CAMTA1: variants seen among roughly 807,000 people sequenced by gnomAD.
The protein encoded by CAMTA1 is calmodulin binding transcription activator 1.
A neutral mutation model predicts 170.9 loss-of-function variants in CAMTA1; 27 were observed. The ratio of observed to expected loss-of-function variants is 0.16; its 90% confidence interval spans 0.12 to 0.22. The LOEUF (loss-of-function observed/expected upper bound fraction) is 0.22. CAMTA1 is among the 10% of genes least tolerant of loss of function. The pLI is 1.00. For missense variants in CAMTA1, 1,619 were observed against 2,217.2 expected (o/e 0.73, Z 5.42); for synonymous variants, 833 against 891.5 (o/e 0.93, Z 1.17).
intron 1 of CAMTA1, among the ~76,000 whole-genome samples, chr1:6,791,099 C>T (rs560082740): frequency 7.0e-6 from 1 of 142,288 alleles, no homozygotes; most frequent in Non-Finnish European, 1.5e-5. Flanking sequence ...CTTCTAGAAT[C>T]ATGTACCCTG....
Position 7,570,871 on chromosome 1 carries a change from A to G in CAMTA1, c.511-69529A>G, listed in dbSNP as rs1369717855. Among the ~76,000 whole-genome samples, 1 of 152,176 alleles carries G rather than the reference A, an allele frequency of 6.6e-6. No homozygotes were observed. Among genetic ancestry groups the G allele is most frequent in the African/African-American group, 2.4e-5 (1 of 41,452 alleles). ...TCAGAATCCAAGCCTGGCCTCCCCC[A>G]TGAACCAGCTGGGTGATGTCAGGAG... On this transcript the variant is annotated intron_variant, in intron 6 of 22. Transcript: ENST00000303635. The surrounding 1 kb of genome is among the most constrained non-coding windows in gnomAD (Gnocchi z 4.3).
intron 5 of CAMTA1, among the ~76,000 whole-genome samples, chr1:7,396,406 C>T (rs542066083): frequency 1.3e-5 from 2 of 152,320 alleles, no homozygotes; most frequent in Admixed American, 6.5e-5. Context: ...TACCTAGCCT[C>T]AGGTATTCCT....
chr1:7,742,871 C>G (rs1380822187), intron 16 of CAMTA1, among the ~76,000 whole-genome samples: 1 of 152,192 alleles, frequency 6.6e-6, no homozygotes, highest in Non-Finnish European at 1.5e-5. Flanking sequence ...CTATGTCACC[C>G]AGGCTGGAGT....
chr1:7,686,795 G>A (rs931868344), intron 11 of CAMTA1, among the ~76,000 whole-genome samples: 1 of 152,132 alleles, frequency 6.6e-6, no homozygotes, highest in African/African-American at 2.4e-5. Flanking sequence ...GGACAGGGTG[G>A]GTTTGGGGTT....
rs754975037 is a variant in CAMTA1 at position 7,752,454 on chromosome 1, T to C, written c.4884-5T>C. The C allele has an allele frequency of 1.4e-5, 22 of 1,613,750 alleles. No homozygotes were observed. In the South Asian group the frequency reaches 2.4e-4, roughly 18 times the overall value. On this transcript the variant is annotated splice_region_variant and splice_polypyrimidine_tract_variant and intron_variant, in intron 20 of 22. Transcript: ENST00000303635. ...CTTGTGACAATAATATTCTGACTTT[T>C]TCAGGAGCAGTTTGCTAACCAAAAA...
At chr1:7,155,984 G>A (rs1646856294) in intron 4 of CAMTA1, among the ~76,000 whole-genome samples, 1 of 152,126 alleles carries the variant, frequency 6.6e-6, no homozygotes, top group South Asian at 2.1e-4. Flanking sequence ...CAGGCGCGGT[G>A]GCTCACAGCT....
rs745561961 is a variant in CAMTA1, at chr1:7,029,363, G to C, written c.235-61941G>C. On this transcript the variant is annotated intron_variant, in intron 3 of 22. Coordinates refer to ENST00000303635, the MANE Select transcript of CAMTA1 (RefSeq NM_015215.4). ...AAATATACAAAAAAATTAGCTGGGC[G>C]TGGTGGCGGGTGCCTGTAGTCCCAG... is the stretch of plus-strand genomic sequence containing the variant. 2.0e-5 allele frequency among the ~76,000 whole-genome samples: 3 copies of C among 151,852 alleles called. No homozygotes were observed. In the South Asian group the frequency reaches 6.2e-4, roughly 32 times the overall value.
intron 3 of CAMTA1, among the ~76,000 whole-genome samples, chr1:6,895,187 T>C (rs1190195721): frequency 1.3e-5 from 2 of 152,158 alleles, no homozygotes; most frequent in Non-Finnish European, 2.9e-5. Flanking sequence ...AGGGTTGAAG[T>C]TCAAAGTTGG....
At chr1:7,097,882 G>A (rs1283124603) in intron 4 of CAMTA1, among the ~76,000 whole-genome samples, 1 of 152,198 alleles carries the variant, frequency 6.6e-6, no homozygotes, top group Non-Finnish European at 1.5e-5. Flanking sequence ...AGTGTTTAAT[G>A]GGTACAGCGT....
At chr1:7,218,725 C>T (rs192319086) in intron 4 of CAMTA1, among the ~76,000 whole-genome samples, 1 of 152,264 alleles carries the variant, frequency 6.6e-6, no homozygotes, top group Admixed American at 6.5e-5. Flanking sequence ...TCTCCATGCT[C>T]GACGTCTGCC....
intron 6 of CAMTA1, among the ~76,000 whole-genome samples, chr1:7,623,423 C>A (rs1419904937): frequency 6.6e-6 from 1 of 152,162 alleles, no homozygotes; most frequent in African/African-American, 2.4e-5. Flanking sequence ...GAGCTGGGAC[C>A]CCAGTCATTT....
intron 6 of CAMTA1, among the ~76,000 whole-genome samples, chr1:7,574,155 G>A (rs1051830384): frequency 1.6e-5 from 2 of 121,314 alleles, no homozygotes; most frequent in Non-Finnish European, 2.9e-5. Context: ...CCCGACAGGC[G>A]GCAGCATGTG....
chr1:7,543,089 G>A (rs1398011054), intron 6 of CAMTA1, among the ~76,000 whole-genome samples: 5 of 151,968 alleles, frequency 3.3e-5, no homozygotes, highest in African/African-American at 4.8e-5. Context: ...GGATGGTCTC[G>A]AACTCCTGAC....
intron 4 of CAMTA1, among the ~76,000 whole-genome samples, chr1:7,241,338 G>A (rs1664821773): frequency 6.6e-6 from 1 of 152,210 alleles, no homozygotes; most frequent in African/African-American, 2.4e-5. Context: ...GGAAGTGGTT[G>A]GAAGACTCAA....
At chr1:7,591,840 C>T (rs1250899084) in intron 6 of CAMTA1, among the ~76,000 whole-genome samples, 1 of 152,228 alleles carries the variant, frequency 6.6e-6, no homozygotes, top group Non-Finnish European at 1.5e-5. Context: ...CCTCTGCCCG[C>T]CACGCCTCCC....
At chr1:7,468,457 C>G (rs1277807718) in intron 6 of CAMTA1, among the ~76,000 whole-genome samples, 1 of 152,170 alleles carries the variant, frequency 6.6e-6, no homozygotes, top group East Asian at 1.9e-4. Flanking sequence ...GGCCTGGTGC[C>G]CAGATCTCTG....
In CAMTA1 at chr1:7,480,130, T is replaced by C. The variant is rs111067959; in HGVS notation, c.510+12229T>C. On this transcript the variant is annotated intron_variant, in intron 6 of 22. Transcript: ENST00000303635. ...GAGCGTGTGTGTGTGTGTGAGTATG[T>C]GTGTGTGAGCGCCTGTGTCCGTGTG... Among the ~76,000 whole-genome samples the C allele has an allele frequency of 1.3e-4, 18 of 137,326 alleles. No individual in the cohort carries two copies. The South Asian group carries it at 2.3e-3, about 18-fold the overall frequency. The allele number at this position is 137,326 out of a possible 152,430, so 90.1% of individuals were successfully genotyped here. A position where few individuals can be genotyped will look rare whatever the true frequency, so the allele number is the denominator to read the frequency against.
chr1:7,059,447 A>G (rs1707873565), intron 3 of CAMTA1, among the ~76,000 whole-genome samples: 1 of 151,996 alleles, frequency 6.6e-6, no homozygotes, highest in Non-Finnish European at 1.5e-5. Flanking sequence ...CCGGGACCCC[A>G]TCTCTACAAA....
intron 6 of CAMTA1, among the ~76,000 whole-genome samples, chr1:7,498,449 G>A (rs1346450873): frequency 6.6e-6 from 1 of 151,394 alleles, no homozygotes; most frequent in East Asian, 1.9e-4. Context: ...GAGTGTGTGT[G>A]AATGTGCATG....
Sources: gnomAD v4.1 joint callset for allele counts (sites outside exome capture counted in the v4.1 genomes callset) on GRCh38, gnomAD v4.1.1 for gene constraint, Gnocchi (gnomAD v3.1) non-coding constraint, MANE v1.5 for transcripts, NCBI Gene and HGNC (gene_info 2026-07-23, HGNC 2026-07-21) for gene names.